TNIP1: variants seen among roughly 807,000 people sequenced by gnomAD.
TNIP1 encodes the protein TNFAIP3 interacting protein 1.
Under a neutral mutation model 86.6 loss-of-function variants are expected in TNIP1, and 22 were observed. The ratio of observed to expected loss-of-function variants is 0.25; its 90% CI spans 0.18 to 0.36. The LOEUF is 0.36. TNIP1 is among the 10% of genes least tolerant of loss of function. TNIP1 has a pLI of 1.00. For synonymous variants in TNIP1, 294 were observed against 313.0 expected (o/e 0.94, Z 0.64); for missense variants, 709 against 820.6 (o/e 0.86, Z 1.66).
chr5:151,063,610 T>C lies in TNIP1; in HGVS notation c.271+3A>G. 1.2e-6 allele frequency: 2 copies of C among 1,613,984 alleles called. No individual in the cohort carries two copies. The highest frequency in any genetic ancestry group is 1.7e-6 in the Non-Finnish European group (2 of 1,179,910). On this transcript the variant is annotated splice_donor_region_variant and intron_variant, in intron 3 of 17. Coordinates refer to ENST00000521591, the MANE Select transcript of TNIP1 (RefSeq NM_006058.5). ...GTCAGAGGTACCCAGACTCCTCTTATACCTGTGAGCTCAGCCAGGGGGTCG... is the reference window on the plus strand; with the variant it reads ...GTCAGAGGTACCCAGACTCCTCTTACACCTGTGAGCTCAGCCAGGGGGTCG...
upstream of TNIP1, among the ~76,000 whole-genome samples, chr5:151,085,889 T>C (rs144737121): frequency 6.6e-5 from 10 of 152,250 alleles, no homozygotes; most frequent in Admixed American, 2.0e-4. Context: ...CTGAGAGCAA[T>C]CCTCTTTCAG....
At chr5:151,061,555 G>A (rs1312905470) in intron 4 of TNIP1, among the ~76,000 whole-genome samples, 1 of 151,276 alleles carries the variant, frequency 6.6e-6, no homozygotes, top group African/African-American at 2.4e-5. Context: ...ATGGCTCACT[G>A]CAGCCTTGAC....
chr5:151,067,757 AG>A (rs1413788540), intron 1 of TNIP1, among the ~76,000 whole-genome samples: 1 of 152,172 alleles, frequency 6.6e-6, no homozygotes, highest in African/African-American at 2.4e-5. Context: ...GTCAGACTGA[AG>A]GGAACAAGCC....
Position 151,071,230 on chromosome 5 carries a change from T to C in TNIP1, c.-36-6099A>G, listed in dbSNP as rs150292223. Among the ~76,000 whole-genome samples the C allele has an allele frequency of 6.9e-4, 105 of 152,288 alleles. 2 individuals carry two copies. In the East Asian group the frequency reaches 0.02, roughly 29 times the overall value. ...CAGTGTGTATTCAAGGACCGCACCC[T>C]GGCATCCTCACCAACAAGGAGCCCA... On this transcript the variant is annotated intron_variant, in intron 1 of 17. Transcript: ENST00000521591.
In TNIP1 at chr5:151,032,367, C is replaced by T. The variant is rs768467028; in HGVS notation, c.1796G>A (p.Arg599His). 25 of 1,614,068 alleles carry T rather than the reference C, an allele frequency of 1.5e-5. No homozygotes were observed. The highest frequency in any genetic ancestry group is 1.7e-4 in the Middle Eastern group (1 of 6,034). ...ATTTCGAACCCCTCCACAGGGTAGA[C>T]GCCAGGTGTATTCCGGCTGCGACAA... ...RLFHLPEYTW[R>H]LPCGGVRNPN... Residue 599 changes from arginine to histidine, a missense_variant, in exon 17 of 18, where the codon CGT (arginine) becomes CAT (histidine). Coordinates refer to ENST00000521591, the MANE Select transcript of TNIP1 (RefSeq NM_006058.5).
chr5:151,034,072 TG>T (rs1373676981), intron 15 of TNIP1, among the ~76,000 whole-genome samples: 9 of 150,764 alleles, frequency 6.0e-5, no homozygotes, highest in Non-Finnish European at 1.2e-4. Context: ...GGCTGGTACA[TG>T]GGCACGGAAG....
intron 1 of TNIP1, among the ~76,000 whole-genome samples, chr5:151,076,034 G>A (rs886500258): frequency 6.6e-6 from 1 of 152,220 alleles, no homozygotes; most frequent in Admixed American, 6.5e-5. Context: ...TCAGGGTGAG[G>A]TCCCTGGGAG....
At chr5:151,067,374 T>C (rs773061500) in intron 1 of TNIP1, among the ~76,000 whole-genome samples, 1 of 152,252 alleles carries the variant, frequency 6.6e-6, no homozygotes, top group Non-Finnish European at 1.5e-5. Context: ...GCATTGCCCA[T>C]CTGGCTGGGA....
intron 1 of TNIP1, among the ~76,000 whole-genome samples, chr5:151,066,510 C>T (rs765093983): frequency 1.8e-4 from 28 of 152,180 alleles, no homozygotes; most frequent in Non-Finnish European, 3.8e-4. Flanking sequence ...GGGTCCTTGG[C>T]GCTGCCAGGT....
intron 7 of TNIP1, 95 bp downstream of exon 7, chr5:151,052,070 A>G: frequency 9.0e-7 from 1 of 1,105,896 alleles, no homozygotes; most frequent in Non-Finnish European, 1.3e-6. Flanking sequence ...AGGGCCTCAG[A>G]GCCACGGTCC....
At chr5:151,059,146 G>A (rs1761061736) in intron 5 of TNIP1, among the ~76,000 whole-genome samples, 1 of 152,236 alleles carries the variant, frequency 6.6e-6, no homozygotes, top group East Asian at 1.9e-4. Context: ...CTTGGCTCAA[G>A]TGGCTCAGCA....
chr5:151,035,658 C>A lies in TNIP1; in HGVS notation c.1445G>T (p.Arg482Leu). The A allele has an allele frequency of 1.9e-6, 3 of 1,614,176 alleles. No individual in the cohort carries two copies. Among genetic ancestry groups the A allele is most frequent in the Non-Finnish European group, 2.5e-6 (3 of 1,180,042 alleles). ...CAGCTCTTCCTTCTCCTCATTCATG[C>A]GCTCACGATCACTGCGCTCCCTCTG... ...DFQRERSDRERMNEEKEELKK... is the reference protein window; with the variant it reads ...DFQRERSDRELMNEEKEELKK... Residue 482 changes from arginine to leucine, a missense_variant, in exon 14 of 18, where the codon CGC becomes CTC. By Grantham distance (102) the Arg-to-Leu change is moderately radical. Transcript: ENST00000521591.
At chr5:151,036,767 T>C in intron 13 of TNIP1, 23 bp downstream of exon 13, 1 of 1,613,770 alleles carries the variant, frequency 6.2e-7, no homozygotes, top group South Asian at 1.1e-5. Flanking sequence ...ACCTCCCACC[T>C]GATTTCCTCC....
At chr5:151,082,461 A>T (rs1764095511), upstream of TNIP1, among the ~76,000 whole-genome samples, 1 of 152,122 alleles carries the variant, frequency 6.6e-6, no homozygotes, top group South Asian at 2.1e-4. Context: ...GTCTCCACCC[A>T]TCAGGTCCGC....
chr5:151,077,029 A>C (rs376825437), intron 1 of TNIP1, among the ~76,000 whole-genome samples: 2 of 152,246 alleles, frequency 1.3e-5, no homozygotes, highest in African/African-American at 4.8e-5. Flanking sequence ...ATTCTGTTGA[A>C]TATCACAGAC....
intron 4 of TNIP1, 121 bp downstream of exon 4, chr5:151,062,006 A>T: frequency 2.3e-6 from 2 of 887,534 alleles, no homozygotes; most frequent in Non-Finnish European, 3.5e-6. Flanking sequence ...GCCCAATATC[A>T]CCCAGCGAGA....
chr5:151,062,537 T>A (rs935599628), intron 3 of TNIP1, among the ~76,000 whole-genome samples: 1 of 152,176 alleles, frequency 6.6e-6, no homozygotes, highest in Non-Finnish European at 1.5e-5. Flanking sequence ...GTATCTATTA[T>A]CCCAGCCATT....
At chr5:151,067,372 C>T (rs1379924459) in intron 1 of TNIP1, among the ~76,000 whole-genome samples, 1 of 152,240 alleles carries the variant, frequency 6.6e-6, no homozygotes, top group Non-Finnish European at 1.5e-5. Context: ...GGGCATTGCC[C>T]ATCTGGCTGG....
chr5:151,078,396 A>C (rs1763632083), intron 1 of TNIP1: 1 of 152,218 alleles, frequency 6.6e-6, no homozygotes, highest in African/African-American at 2.4e-5. Context: ...CCCGCTACAG[A>C]AATACACTCG....
Sources: gnomAD v4.1 joint callset for allele counts (sites outside exome capture counted in the v4.1 genomes callset) on GRCh38, gnomAD v4.1.1 for gene constraint, MANE v1.5 for transcripts, NCBI Gene and HGNC (gene_info 2026-07-23, HGNC 2026-07-21) for gene names.